Variants in NRXN1 observed in about 807,000 individuals in gnomAD.
NRXN1 encodes neurexin 1, also known as neurexin-1.
A neutral mutation model predicts 150.9 loss-of-function variants in NRXN1; 39 were observed. That is an observed-to-expected ratio of 0.26 (90% confidence interval 0.20 to 0.34). The LOEUF (loss-of-function observed/expected upper bound fraction) is 0.34, where lower values mean the gene tolerates loss of function less well. Ranked by LOEUF, NRXN1 falls within the 10% of genes least tolerant of loss-of-function variation. The probability of loss-of-function intolerance (pLI) is 1.00; values close to 1 mark genes in which losing one functional copy is unlikely to be tolerated. For synonymous variants in NRXN1, 924 were observed against 757.0 expected, an observed-to-expected ratio of 1.22 and a Z score of -3.62; for missense variants, 1,815 against 1,949.9, an observed-to-expected ratio of 0.93 and a Z score of 1.30.
rs200758531 is a variant in NRXN1 at position 49,921,049 on chromosome 2, T to C, written c.*895A>G. 1 of 152,508 alleles carries C rather than the reference T, an allele frequency of 6.6e-6. No individual in the cohort carries two copies. Among genetic ancestry groups the C allele is most frequent in the Non-Finnish European group, 1.5e-5 (1 of 68,012 alleles). 9.4% of individuals were successfully genotyped at this position (152,508 alleles called of 1,614,324 possible). ...TGAAATAATTGTTGCTCTGATGTCA[T>C]AAAACTCCCTATACTTAGCAACACT... On this transcript the variant is annotated 3_prime_UTR_variant, in exon 23 of 23. Coordinates refer to ENST00000401669, the MANE Select transcript of NRXN1 (RefSeq NM_001330078.2).
rs557349315 is a variant in NRXN1, at chr2:50,611,938, A to G, written c.1320+8084T>C. On this transcript the variant is annotated intron_variant, in intron 8 of 22. Coordinates refer to ENST00000401669, the MANE Select transcript of NRXN1 (RefSeq NM_001330078.2). ...CCAATCAGATCTTCCCTTCTCTGACATCCCAGCAATCTAGGCTGCATTTTT... is the reference window on the plus strand; with the variant it reads ...CCAATCAGATCTTCCCTTCTCTGACGTCCCAGCAATCTAGGCTGCATTTTT... 1.1e-4 allele frequency among the ~76,000 whole-genome samples: 17 copies of G among 152,280 alleles called. No individual in the cohort carries two copies. The South Asian group carries it at 3.5e-3, about 32-fold the overall frequency.
chr2:50,276,391 T>A (rs2070476855), intron 17 of NRXN1, among the ~76,000 whole-genome samples: 2 of 151,812 alleles, frequency 1.3e-5, no homozygotes, highest in South Asian at 4.2e-4. Flanking sequence ...AAAGGTAGAG[T>A]TTCTGCAAAA....
At chr2:50,685,918 T>C (rs1691161309) in intron 5 of NRXN1, among the ~76,000 whole-genome samples, 1 of 152,058 alleles carries the variant, frequency 6.6e-6, no homozygotes, top group Admixed American at 6.6e-5. Flanking sequence ...TTTCCTACAC[T>C]CAAGTTTAAC....
intron 21 of NRXN1, among the ~76,000 whole-genome samples, chr2:49,994,250 T>C (rs1027933288): frequency 6.6e-6 from 1 of 152,176 alleles, no homozygotes; most frequent in Non-Finnish European, 1.5e-5. Flanking sequence ...TGTGCTTTCT[T>C]ATTGTGGAAA....
rs1678654528 is a variant in NRXN1 at position 50,876,759 on chromosome 2, G to A, written c.832+45110C>T. Reference sequence around the variant, plus strand: ...CTACCGTTCGGCTCTTTATTTTTAAGCAGTAACATGGTAGAAGAGACACAT... The same window carrying A: ...CTACCGTTCGGCTCTTTATTTTTAAACAGTAACATGGTAGAAGAGACACAT... On this transcript the variant is annotated intron_variant, in intron 5 of 22. Transcript: ENST00000401669. 2.0e-5 allele frequency among the ~76,000 whole-genome samples: 3 copies of A among 151,798 alleles called. No individual in the cohort carries two copies. The South Asian group carries it at 6.2e-4, about 32-fold the overall frequency.
At chr2:49,931,646 T>TA (rs746536654) in intron 22 of NRXN1, among the ~76,000 whole-genome samples, 3 of 151,992 alleles carry the variant, frequency 2.0e-5, no homozygotes, top group Non-Finnish European at 2.9e-5. Flanking sequence ...GAAAGCCATA[T>TA]AGGCAATAAT....
intron 21 of NRXN1, among the ~76,000 whole-genome samples, chr2:50,046,419 G>A (rs1470947126): frequency 1.3e-5 from 2 of 152,106 alleles, no homozygotes; most frequent in African/African-American, 2.4e-5. Context: ...ACTCTTCAAG[G>A]GCAGAGAAAA....
At chr2:50,226,256 T>C (rs1428978663) in intron 18 of NRXN1, among the ~76,000 whole-genome samples, 6 of 152,034 alleles carry the variant, frequency 3.9e-5, no homozygotes, top group Non-Finnish European at 8.8e-5. Context: ...AGACTGTTGA[T>C]TGCTTTTATA....
In NRXN1 at chr2:50,834,774, C is replaced by T. The variant is rs116130598; in HGVS notation, c.832+87095G>A. Among the ~76,000 whole-genome samples, 273 of 152,152 alleles carry T rather than the reference C, an allele frequency of 1.8e-3. 3 individuals are homozygous for T. Among genetic ancestry groups the T allele is most frequent in the African/African-American group, 6.1e-3 (253 of 41,498 alleles). On this transcript the variant is annotated intron_variant, in intron 5 of 22. Coordinates refer to ENST00000401669, the MANE Select transcript of NRXN1 (RefSeq NM_001330078.2). The stretch of plus-strand genomic sequence containing the variant: ...CTTAGATTCCTAAGCAGGGCCCAAC[C>T]CAGGTCTGAGTTGGGGCTCAGGGGT...
At chr2:50,283,636 T>C (rs1250173268) in intron 17 of NRXN1, among the ~76,000 whole-genome samples, 1 of 152,188 alleles carries the variant, frequency 6.6e-6, no homozygotes, top group Non-Finnish European at 1.5e-5. Flanking sequence ...AGGTCTCCTA[T>C]ATATCAGTGA....
In NRXN1 at chr2:50,347,868, G is replaced by C; in HGVS notation, c.3365-110898C>G. On this transcript the variant is annotated intron_variant, in intron 17 of 22. Transcript: ENST00000401669. The surrounding 1 kb of genome is among the most constrained non-coding windows in gnomAD (Gnocchi z 4.9). ...AATGCAGAGGACGAGCCTATGTAAC[G>C]AGGGAGGCTGGTCTAGCTTCCCACG... 2 of 984,548 alleles carry C rather than the reference G, an allele frequency of 2.0e-6. No individual in the cohort carries two copies. Among genetic ancestry groups the C allele is most frequent in the Non-Finnish European group, 1.2e-6 (1 of 829,164 alleles). The allele number at this position is 984,548 out of a possible 1,614,324, so 61.0% of individuals were successfully genotyped here. A position where few individuals can be genotyped will look rare whatever the true frequency, so the allele number is the denominator to read the frequency against.
chr2:50,730,695 C>T (rs1335173012), intron 5 of NRXN1, among the ~76,000 whole-genome samples: 6 of 91,720 alleles, frequency 6.5e-5, no homozygotes, highest in African/African-American at 1.6e-4. Flanking sequence ...TTTTTTGAGA[C>T]GGAGTCTTGC....
chr2:50,000,703 G>A (rs1403712549), intron 21 of NRXN1, among the ~76,000 whole-genome samples: 15 of 152,252 alleles, frequency 9.9e-5, no homozygotes, highest in Admixed American at 9.2e-4. Context: ...CTTGTTAACA[G>A]GATATCAATG....
chr2:50,191,200 T>TG (rs1311709432), intron 18 of NRXN1, among the ~76,000 whole-genome samples: 1 of 116,142 alleles, frequency 8.6e-6, no homozygotes, highest in Admixed American at 9.5e-5. Flanking sequence ...AGCTAATTGT[T>TG]TTTTGTTTTT....
intron 21 of NRXN1, among the ~76,000 whole-genome samples, chr2:50,047,164 T>C (rs1691938307): frequency 6.6e-6 from 1 of 151,916 alleles, no homozygotes. Context: ...ATAAAGGCAA[T>C]ACGTAAGAGC....
intron 17 of NRXN1, among the ~76,000 whole-genome samples, chr2:50,396,322 C>A (rs898179699): frequency 6.6e-6 from 1 of 152,128 alleles, no homozygotes; most frequent in Non-Finnish European, 1.5e-5. Context: ...GTGAAAGTTT[C>A]TTTGCTTAAC....
At chr2:50,459,268 C>T (rs150157109) in intron 17 of NRXN1, among the ~76,000 whole-genome samples, 29 of 152,236 alleles carry the variant, frequency 1.9e-4, no homozygotes, top group Non-Finnish European at 3.2e-4. Context: ...TAACCGTTTG[C>T]TCTCTTCAAA....
At chr2:50,057,031 T>C (rs1406382164) in intron 19 of NRXN1, among the ~76,000 whole-genome samples, 1 of 152,176 alleles carries the variant, frequency 6.6e-6, no homozygotes, top group East Asian at 1.9e-4. Flanking sequence ...CTACAGTCTA[T>C]TGACAGACCT....
chr2:50,147,280 T>A (rs1402074128), intron 18 of NRXN1, among the ~76,000 whole-genome samples: 1 of 151,776 alleles, frequency 6.6e-6, no homozygotes, highest in East Asian at 1.9e-4. Context: ...TAGGAAAAGC[T>A]AATTGCAAAC....
Sources: gnomAD v4.1 joint callset for allele counts (sites outside exome capture counted in the v4.1 genomes callset) on GRCh38, gnomAD v4.1.1 for gene constraint, Gnocchi (gnomAD v3.1) non-coding constraint, MANE v1.5 for transcripts, NCBI Gene and HGNC (gene_info 2026-07-23, HGNC 2026-07-21) for gene names.